The following ATP9A variants were observed in gnomAD, a reference collection of about 807,000 sequenced individuals.
ATP9A encodes probable phospholipid-transporting ATPase IIA.
ATP9A carries 52 observed loss-of-function variants against 144.1 expected under a neutral mutation model. That is an observed-to-expected ratio of 0.36 (90% CI 0.29 to 0.45). ATP9A has a LOEUF of 0.45. ATP9A is among the 20% of genes least tolerant of loss of function. ATP9A has a pLI of 1.00. For missense variants in ATP9A, 947 were observed against 1,392.7 expected (o/e 0.68, Z 5.09); for synonymous variants, 582 against 557.4 (o/e 1.04, Z -0.62).
In ATP9A at chr20:51,697,407, T is replaced by C; in HGVS notation, c.495+17A>G. On this transcript the variant is annotated intron_variant, in intron 5 of 27. Transcript: ENST00000338821. ...CATGAAGTGGTATCCACACACAAGCTTCCAGATTCTGCTCACCTTTTCAAC... is the reference window on the plus strand; with the variant it reads ...CATGAAGTGGTATCCACACACAAGCCTCCAGATTCTGCTCACCTTTTCAAC... 1 of 1,612,130 alleles carries C rather than the reference T, an allele frequency of 6.2e-7. No homozygotes were observed. Among genetic ancestry groups the C allele is most frequent in the South Asian group, 1.1e-5 (1 of 90,684 alleles).
chr20:51,625,137 G>C, intron 18 of ATP9A, 55 bp downstream of exon 18: 1 of 1,540,112 alleles, frequency 6.5e-7, no homozygotes, highest in Non-Finnish European at 8.8e-7. Context: ...CTGCACTGCT[G>C]AGGGATAACT....
intron 27 of ATP9A, among the ~76,000 whole-genome samples, chr20:51,602,100 T>C (rs2077145560): frequency 6.6e-6 from 1 of 151,982 alleles, no homozygotes; most frequent in Non-Finnish European, 1.5e-5. Context: ...TGGGTCATGG[T>C]GCAAAGTGTT....
chr20:51,632,384 G>A (rs1275581268), intron 15 of ATP9A, among the ~76,000 whole-genome samples: 2 of 152,330 alleles, frequency 1.3e-5, no homozygotes, highest in African/African-American at 2.4e-5. Context: ...CCTAGGAGAA[G>A]TTTTATAACT....
chr20:51,630,911 G>A (rs902431640), intron 15 of ATP9A, among the ~76,000 whole-genome samples: 13 of 152,108 alleles, frequency 8.5e-5, no homozygotes, highest in African/African-American at 2.7e-4. Flanking sequence ...GCTGGGGCAC[G>A]CGGACCCTTT....
chr20:51,724,231 T>A (rs1018539214), intron 3 of ATP9A, among the ~76,000 whole-genome samples: 1 of 152,142 alleles, frequency 6.6e-6, no homozygotes, highest in East Asian at 1.9e-4. Flanking sequence ...AATCCAAGCG[T>A]TCCCCCCCTG....
intron 4 of ATP9A, among the ~76,000 whole-genome samples, chr20:51,702,526 C>T (rs1227825002): frequency 6.6e-6 from 1 of 151,934 alleles, no homozygotes; most frequent in Non-Finnish European, 1.5e-5. Context: ...AGTTTTCCAC[C>T]AGCCAGGCCC....
intron 1 of ATP9A, chr20:51,735,171 G>A (rs545994422): frequency 6.5e-6 from 1 of 152,906 alleles, no homozygotes; most frequent in South Asian, 2.1e-4. Flanking sequence ...AAATAAGCCT[G>A]AGGCAGGGGG....
intron 9 of ATP9A, among the ~76,000 whole-genome samples, chr20:51,677,544 T>C (rs984856232): frequency 6.6e-6 from 1 of 152,198 alleles, no homozygotes; most frequent in African/African-American, 2.4e-5. Flanking sequence ...TTGCCGTTTG[T>C]GCCTCTGGTC....
At chr20:51,676,287 A>G in intron 9 of ATP9A, 79 bp from the exon 10 acceptor site, 1 of 1,127,338 alleles carries the variant, frequency 8.9e-7, no homozygotes, top group South Asian at 1.5e-5. Flanking sequence ...GAAGAGTCTG[A>G]TCCTCTTGAG....
chr20:51,658,272 G>C (rs142501030), intron 13 of ATP9A, among the ~76,000 whole-genome samples: 1 of 152,022 alleles, frequency 6.6e-6, no homozygotes, highest in South Asian at 2.1e-4. Flanking sequence ...CCAGCCTGCC[G>C]AACATGGTAA....
At chr20:51,612,572 A>C (rs2077188763) in intron 23 of ATP9A, among the ~76,000 whole-genome samples, 1 of 152,056 alleles carries the variant, frequency 6.6e-6, no homozygotes, top group Non-Finnish European at 1.5e-5. Context: ...TTATAGGTGC[A>C]TGCCACCATG....
At chr20:51,748,445 A>G (rs1400021071) in intron 1 of ATP9A, among the ~76,000 whole-genome samples, 1 of 152,200 alleles carries the variant, frequency 6.6e-6, no homozygotes, top group African/African-American at 2.4e-5. Context: ...AGCCTAGACC[A>G]TCTGATTCTG....
intron 14 of ATP9A, among the ~76,000 whole-genome samples, chr20:51,648,239 A>T (rs1228347871): frequency 6.6e-6 from 1 of 151,974 alleles, no homozygotes; most frequent in Non-Finnish European, 1.5e-5. Flanking sequence ...AAACAAACCA[A>T]CCAACCTCGT....
rs772192361 is a variant in ATP9A, at chr20:51,725,846, A to T, written c.300T>A (p.Gly100=). ...GGGGAACCCAGTAGGTATAGAGTGC[A>T]CCAAGTCTCATTTCGGGAACAAACT... ...CSQFVPEMRL[G]ALYTYWVPLG... The change falls in exon 3 of 28, where the codon GGT becomes GGA. Residue 100 remains glycine (G), a synonymous_variant. Transcript: ENST00000338821. 1 of 1,611,936 alleles carries T rather than the reference A, an allele frequency of 6.2e-7. No homozygotes were observed. The highest frequency in any genetic ancestry group is 8.5e-7 in the Non-Finnish European group (1 of 1,177,952).
intron 15 of ATP9A, among the ~76,000 whole-genome samples, chr20:51,629,777 C>T (rs1276508974): frequency 6.6e-6 from 1 of 152,226 alleles, no homozygotes; most frequent in African/African-American, 2.4e-5. Context: ...GCATCAAATG[C>T]TTGGACCAAG....
At chr20:51,746,119 T>G (rs2077806990) in intron 1 of ATP9A, among the ~76,000 whole-genome samples, 1 of 152,128 alleles carries the variant, frequency 6.6e-6, no homozygotes, top group African/African-American at 2.4e-5. Context: ...AAGTAGGAGC[T>G]AAGTGATAAG....
chr20:51,658,443 C>T (rs1344540363), intron 13 of ATP9A, among the ~76,000 whole-genome samples: 1 of 151,640 alleles, frequency 6.6e-6, no homozygotes, highest in Non-Finnish European at 1.5e-5. Flanking sequence ...TCAGCACCAC[C>T]AACTGCAGCA....
At chr20:51,632,914 G>C (rs192406749) in intron 15 of ATP9A, among the ~76,000 whole-genome samples, 8 of 152,244 alleles carry the variant, frequency 5.3e-5, no homozygotes, top group Admixed American at 1.3e-4. Context: ...CCTGAGGTCA[G>C]GAGTTCGAGA....
intron 18 of ATP9A, 48 bp from the exon 19 acceptor site, chr20:51,622,220 G>A (rs776172103): frequency 1.2e-5 from 18 of 1,513,848 alleles, no homozygotes; most frequent in Middle Eastern, 1.7e-4. Context: ...TTTTGAGGCC[G>A]GCCTGTCATC....
Sources: allele counts gnomAD v4.1 joint callset (sites outside exome capture counted in the v4.1 genomes callset), GRCh38; gene constraint gnomAD v4.1.1; transcripts MANE v1.5; gene names NCBI Gene and HGNC (gene_info 2026-07-23, HGNC 2026-07-21).